Variants in FREY1 observed in about 807,000 individuals in gnomAD.
The protein encoded by FREY1 is Frey regulator of sperm-oocyte fusion 1, also known as protein Frey 1.
chr11:45,906,909 G>A, the FREY1 span: 370 of 1,613,840 alleles, frequency 2.3e-4, 1 homozygote, highest in Non-Finnish European at 1.9e-4. Context: ...GTTCCAGGGG[G>A]GCGGAAAATG....
chr11:45,906,758 G>A, the FREY1 span: 13 of 1,595,246 alleles, frequency 8.1e-6, no homozygotes, highest in Non-Finnish European at 1.0e-5. Flanking sequence ...AGTCACCCTT[G>A]AACAGATGTG....
chr11:45,907,077 A>G, the FREY1 span: 2 of 1,510,364 alleles, frequency 1.3e-6, no homozygotes, highest in Non-Finnish European at 1.8e-6. Flanking sequence ...GCCCCACTCC[A>G]GAGAGGGGAG....
the FREY1 span, chr11:45,906,865 C>T: frequency 6.2e-7 from 1 of 1,613,808 alleles, no homozygotes; most frequent in South Asian, 1.1e-5. Context: ...AAGAGAGATA[C>T]TACCATCCAC....
the FREY1 span, chr11:45,907,203 G>C: frequency 6.4e-7 from 1 of 1,556,286 alleles, no homozygotes. Context: ...AAGAGGCTGA[G>C]CCCAGCCCGG....
the FREY1 span, chr11:45,907,134 C>T: frequency 6.4e-7 from 1 of 1,555,556 alleles, no homozygotes; most frequent in African/African-American, 1.4e-5. Context: ...CCTCTGTGCC[C>T]CAGGAGTCAC....
the FREY1 span, chr11:45,906,600 A>G: frequency 6.3e-7 from 1 of 1,575,490 alleles, no homozygotes; most frequent in Non-Finnish European, 8.6e-7. Context: ...ATACTCGGCA[A>G]GGTCGGGCCC....
At chr11:45,906,849 G>A in the FREY1 span, 128 of 1,613,440 alleles carry the variant, frequency 7.9e-5, no homozygotes, top group Non-Finnish European at 1.1e-4. Context: ...GGTAGGGGAA[G>A]GGGACAAGAG....
At chr11:45,906,934 C>T in the FREY1 span, 28 of 1,613,756 alleles carry the variant, frequency 1.7e-5, no homozygotes, top group South Asian at 1.4e-4. Flanking sequence ...AGGAACAGAC[C>T]GCTGAGACCT....
chr11:45,906,545 T>C, the FREY1 span: 3 of 1,511,916 alleles, frequency 2.0e-6, no homozygotes, highest in African/African-American at 1.4e-5. Flanking sequence ...TTGTCACACA[T>C]GGTATCTTTA....
the FREY1 span, chr11:45,906,901 T>C: frequency 1.2e-6 from 2 of 1,613,782 alleles, no homozygotes; most frequent in Non-Finnish European, 8.5e-7. Context: ...CTGCGAGAGT[T>C]CCAGGGGGGC....
the FREY1 span, chr11:45,906,557 G>T: frequency 6.6e-7 from 1 of 1,520,586 alleles, no homozygotes; most frequent in South Asian, 1.3e-5. Context: ...GTATCTTTAT[G>T]AGGGCCTTGG....
At chr11:45,906,714 G>C in the FREY1 span, 39 of 1,575,748 alleles carry the variant, frequency 2.5e-5, no homozygotes, top group South Asian at 3.7e-4. Flanking sequence ...AGAGGGCATG[G>C]GTGGTAGGGG....
chr11:45,907,007 G>A, the FREY1 span: 333 of 1,591,008 alleles, frequency 2.1e-4, no homozygotes, highest in South Asian at 2.8e-3. Context: ...TTGTGAATGG[G>A]GGGATGGCTC....
At chr11:45,907,039 C>A in the FREY1 span, 1 of 1,542,462 alleles carries the variant, frequency 6.5e-7, no homozygotes, top group East Asian at 2.3e-5. Flanking sequence ...ACTTGGCAAG[C>A]CCTCGAACGC....
chr11:45,906,920 C>G, the FREY1 span: 367 of 1,613,808 alleles, frequency 2.3e-4, 3 homozygotes, highest in South Asian at 2.5e-3. Context: ...GCGGAAAATG[C>G]CTCAGGAACA....
chr11:45,906,694 AAG>A, the FREY1 span: 4 of 1,579,668 alleles, frequency 2.5e-6, no homozygotes, highest in Admixed American at 1.8e-5. Context: ...CCATAGTCTA[AAG>A]AGAGAAAAGA....
the FREY1 span, chr11:45,906,706 A>T: frequency 6.3e-7 from 1 of 1,575,432 alleles, no homozygotes; most frequent in East Asian, 2.3e-5. Flanking sequence ...GAGAGAAAAG[A>T]GGGCATGGGT....
the FREY1 span, chr11:45,907,047 C>T: frequency 1.8e-5 from 28 of 1,536,848 alleles, no homozygotes; most frequent in African/African-American, 5.5e-5. Flanking sequence ...AGCCCTCGAA[C>T]GCCCAGGGTA....
At chr11:45,907,166 A>T in the FREY1 span, 1 of 1,557,470 alleles carries the variant, frequency 6.4e-7, no homozygotes, top group Non-Finnish European at 8.7e-7. Flanking sequence ...GGAGCGAAGC[A>T]GTGCCACTGC....
Sources: gnomAD v4.1 joint callset for allele counts on GRCh38, gnomAD v4.1.1 for gene constraint, MANE v1.5 for transcripts, NCBI Gene and HGNC (gene_info 2026-07-23, HGNC 2026-07-21) for gene names.